Variants in TENM2 observed in about 807,000 individuals in gnomAD.
The protein encoded by TENM2 is teneurin-2.
In TENM2, 52 loss-of-function variants were observed where a neutral mutation model predicts 245.2. The observed-to-expected ratio is 0.21, with a 90% CI of 0.17 to 0.27. TENM2 has a LOEUF of 0.27. Ranked by LOEUF, TENM2 falls within the 10% of genes least tolerant of loss-of-function variation. The pLI is 1.00. For synonymous variants in TENM2, 1,363 were observed against 1,438.9 expected (o/e 0.95, Z 1.19); for missense variants, 3,046 against 3,666.8 (o/e 0.83, Z 4.37).
intron 2 of TENM2, among the ~76,000 whole-genome samples, chr5:167,784,513 T>C (rs1033117146): frequency 5.3e-5 from 8 of 152,222 alleles, no homozygotes; most frequent in East Asian, 1.9e-4. Flanking sequence ...TGAACCTTAA[T>C]TGTGATCACA....
chr5:166,999,722 T>G, the TENM2 span, among the ~76,000 whole-genome samples: 1 of 152,126 alleles, frequency 6.6e-6, no homozygotes, highest in Non-Finnish European at 1.5e-5. Flanking sequence ...AAACAAGTTT[T>G]CGAGGAAAAG....
rs1225913282 is a variant in TENM2 at position 167,859,556 on chromosome 5, TG to T, written c.503-16423del. ...CCAGCCGCCCCGTCCGGGAGGGAGG[TG>T]GGGGGGTCAGCCCCCCGCCTGGCCA... On this transcript the variant is annotated intron_variant, in intron 2 of 28. Transcript: ENST00000518659. 2.8e-3 allele frequency among the ~76,000 whole-genome samples: 105 copies of T among 38,154 alleles called. 1 individual carries two copies. The highest frequency in any genetic ancestry group is 3.6e-3 in the Admixed American group (15 of 4,134). The allele number at this position is 38,154 out of a possible 152,430, so 25.0% of individuals were successfully genotyped here. A position where few individuals can be genotyped will look rare whatever the true frequency, so the allele number is the denominator to read the frequency against.
At chr5:167,017,623 A>G in the TENM2 span, among the ~76,000 whole-genome samples, 3 of 152,204 alleles carry the variant, frequency 2.0e-5, no homozygotes, top group Non-Finnish European at 4.4e-5. Flanking sequence ...GCATTTTACT[A>G]TATATTTCCA....
chr5:167,157,686 G>A, the TENM2 span, among the ~76,000 whole-genome samples: 1 of 152,182 alleles, frequency 6.6e-6, no homozygotes, highest in Non-Finnish European at 1.5e-5. Context: ...CTACATGGTA[G>A]AATTGCTACT....
chr5:167,808,344 C>G (rs1262696606), intron 2 of TENM2, among the ~76,000 whole-genome samples: 1 of 152,192 alleles, frequency 6.6e-6, no homozygotes, highest in East Asian at 1.9e-4. Flanking sequence ...ACTGAACTCT[C>G]TGCCTCCTGG....
chr5:167,211,657 A>C, the TENM2 span, among the ~76,000 whole-genome samples: 1 of 152,202 alleles, frequency 6.6e-6, no homozygotes, highest in East Asian at 1.9e-4. Context: ...CTCAGAGGGC[A>C]GTGGGTGTTC....
intron 2 of TENM2, among the ~76,000 whole-genome samples, chr5:167,808,668 T>C (rs1026953802): frequency 6.6e-6 from 1 of 152,212 alleles, no homozygotes; most frequent in African/African-American, 2.4e-5. Context: ...CCTTGTCTTT[T>C]TTTCCTGTCT....
chr5:167,145,763 G>T, the TENM2 span, among the ~76,000 whole-genome samples: 660 of 152,184 alleles, frequency 4.3e-3, 6 homozygotes, highest in African/African-American at 0.015. Context: ...AAAATCCTAC[G>T]ACTGATTCTG....
intron 2 of TENM2, among the ~76,000 whole-genome samples, chr5:167,646,247 T>C (rs1020590228): frequency 7.0e-6 from 1 of 142,906 alleles, no homozygotes; most frequent in African/African-American, 2.6e-5. Flanking sequence ...TTCTTATATA[T>C]ATGAAAAACA....
chr5:167,740,550 C>T (rs922248949), intron 2 of TENM2, among the ~76,000 whole-genome samples: 2 of 152,132 alleles, frequency 1.3e-5, no homozygotes, highest in South Asian at 2.1e-4. Context: ...TATCATGGCT[C>T]AGCCGATCTT....
At position 167,548,565 on chromosome 5, in the gene TENM2, G is replaced by A. The variant is rs200734254; in HGVS notation, c.502+173092G>A. ...ACAGGTCACAGACACACACACACAC[G>A]CACACATACACTTCCCTGTATTGAA... On this transcript the variant is annotated intron_variant, in intron 2 of 28. Transcript: ENST00000518659. Among the ~76,000 whole-genome samples the A allele has an allele frequency of 1.6e-4, 20 of 125,962 alleles. No individual in the cohort carries two copies. The East Asian group carries it at 3.4e-3, about 21-fold the overall frequency. The allele number at this position is 125,962 out of a possible 152,430, so 82.6% of individuals were successfully genotyped here. A position where few individuals can be genotyped will look rare whatever the true frequency, so the allele number is the denominator to read the frequency against.
At chr5:167,236,783 A>G in the TENM2 span, among the ~76,000 whole-genome samples, 1 of 152,202 alleles carries the variant, frequency 6.6e-6, no homozygotes, top group Non-Finnish European at 1.5e-5. Flanking sequence ...AAGGGAAAGC[A>G]AAGATCTAAC....
At chr5:167,863,279 G>T (rs1771993530) in intron 2 of TENM2, among the ~76,000 whole-genome samples, 1 of 152,140 alleles carries the variant, frequency 6.6e-6, no homozygotes, top group African/African-American at 2.4e-5. Context: ...ATGGCAATAT[G>T]GGCCCTCTTG....
intron 5 of TENM2, among the ~76,000 whole-genome samples, chr5:168,038,034 TG>T (rs1240509755): frequency 6.6e-6 from 1 of 152,164 alleles, no homozygotes; most frequent in Non-Finnish European, 1.5e-5. Context: ...TGCTTAGTGT[TG>T]AGCTGATGGT....
chr5:167,458,130 A>T (rs972801333), intron 2 of TENM2, among the ~76,000 whole-genome samples: 20 of 152,278 alleles, frequency 1.3e-4, no homozygotes, highest in African/African-American at 3.6e-4. Context: ...AAAAATAAAC[A>T]TTGTTATACA....
chr5:167,324,461 A>G (rs140337218), intron 1 of TENM2, among the ~76,000 whole-genome samples: 2,002 of 152,296 alleles, frequency 0.013, 27 homozygotes, highest in Middle Eastern at 0.031. Context: ...TAATCCATAT[A>G]ATTTGAGCAA....
intron 2 of TENM2, among the ~76,000 whole-genome samples, chr5:167,850,019 A>C (rs114233055): frequency 0.016 from 2,415 of 151,900 alleles, 58 homozygotes; most frequent in African/African-American, 0.054. Flanking sequence ...TCAACCTTCA[A>C]CTCCTCTCTC....
intron 14 of TENM2, among the ~76,000 whole-genome samples, chr5:168,194,833 G>A (rs1489672862): frequency 6.6e-6 from 1 of 152,096 alleles, no homozygotes; most frequent in African/African-American, 2.4e-5. Flanking sequence ...GCTCTCACCC[G>A]AGTATGGCAC....
At chr5:168,123,683 C>A (rs972566288) in intron 10 of TENM2, among the ~76,000 whole-genome samples, 1 of 152,166 alleles carries the variant, frequency 6.6e-6, no homozygotes, top group Non-Finnish European at 1.5e-5. Flanking sequence ...ATTTGGAAGC[C>A]GTGAAAACGG....
Sources: gnomAD v4.1 joint callset for allele counts (sites outside exome capture counted in the v4.1 genomes callset) on GRCh38, gnomAD v4.1.1 for gene constraint, MANE v1.5 for transcripts, NCBI Gene and HGNC (gene_info 2026-07-23, HGNC 2026-07-21) for gene names.